The following ARPC2 variants were observed in gnomAD, a reference collection of about 807,000 sequenced individuals.
The protein encoded by ARPC2 is actin related protein 2/3 complex subunit 2.
In ARPC2, 4 loss-of-function variants were observed where a neutral mutation model predicts 38.6. That is an observed-to-expected ratio of 0.10 (90% CI 0.05 to 0.24). The LOEUF (loss-of-function observed/expected upper bound fraction) is 0.24, where lower values mean the gene tolerates loss of function less well. Ranked by LOEUF, ARPC2 falls within the 10% of genes least tolerant of loss-of-function variation. The pLI is 1.00. For synonymous variants in ARPC2, 125 were observed against 140.8 expected (o/e 0.89, Z 0.79); for missense variants, 229 against 387.3 (o/e 0.59, Z 3.43).
chr2:218,219,516 A>C (rs1208888867), intron 2 of ARPC2, among the ~76,000 whole-genome samples: 1 of 152,050 alleles, frequency 6.6e-6, no homozygotes, highest in Non-Finnish European at 1.5e-5. Flanking sequence ...CACCTGGCTA[A>C]TATTTGTATT....
intron 2 of ARPC2, among the ~76,000 whole-genome samples, chr2:218,225,606 T>C (rs1260484266): frequency 1.3e-5 from 2 of 152,250 alleles, no homozygotes; most frequent in African/African-American, 4.8e-5. Flanking sequence ...CATTTTGTGG[T>C]ATATAGCATG....
At chr2:218,218,940 C>A (rs1405553965) in intron 2 of ARPC2, among the ~76,000 whole-genome samples, 2 of 152,162 alleles carry the variant, frequency 1.3e-5, no homozygotes, top group Non-Finnish European at 2.9e-5. Context: ...TTACCAGTTT[C>A]TTTGCATTTT....
At chr2:218,230,298 T>C (rs1359926917) in intron 4 of ARPC2, among the ~76,000 whole-genome samples, 18 of 133,478 alleles carry the variant, frequency 1.3e-4, no homozygotes, top group African/African-American at 2.9e-4. Flanking sequence ...TTTTTTTTTT[T>C]TTTTTTTTTT....
chr2:218,252,353 G>A (rs893779880), intron 10 of ARPC2, among the ~76,000 whole-genome samples: 4 of 152,178 alleles, frequency 2.6e-5, no homozygotes, highest in African/African-American at 9.7e-5. Flanking sequence ...GCAGCTTCTT[G>A]GGCAGATCTT....
intron 7 of ARPC2, 31 bp from the exon 8 acceptor site, chr2:218,245,389 T>C (rs1285683327): frequency 1.5e-5 from 24 of 1,613,470 alleles, no homozygotes; most frequent in Non-Finnish European, 2.0e-5. Context: ...CACCCACTTC[T>C]CTTCTGGTTG....
chr2:218,226,681 G>C (rs949142963), intron 3 of ARPC2, among the ~76,000 whole-genome samples: 1 of 150,002 alleles, frequency 6.7e-6, no homozygotes, highest in Non-Finnish European at 1.5e-5. Context: ...TCCCTCATCA[G>C]GTCTTTTTGA....
At chr2:218,249,058 T>C (rs910209788) in intron 8 of ARPC2, among the ~76,000 whole-genome samples, 1 of 152,210 alleles carries the variant, frequency 6.6e-6, no homozygotes, top group African/African-American at 2.4e-5. Context: ...CAAGAGCTAG[T>C]ACCTGTGTGG....
intron 4 of ARPC2, among the ~76,000 whole-genome samples, chr2:218,229,524 T>C (rs1689582213): frequency 6.6e-6 from 1 of 152,264 alleles, no homozygotes; most frequent in Non-Finnish European, 1.5e-5. Context: ...ACTCAGTTCC[T>C]GAATCAGTTT....
rs745591598 is a variant in ARPC2, at chr2:218,249,774, TTTCTAG to T, written c.778-46_778-41del. The stretch of plus-strand genomic sequence containing the variant: ...TCTGATGAAAGACAGCAAAGCTGTC[TTTCTAG>T]ACCATGACTGTGCTTTAGTACCTGT... On this transcript the variant is annotated intron_variant, in intron 9 of 10. Coordinates refer to ENST00000315717, the MANE Select transcript of ARPC2 (RefSeq NM_152862.3). The T allele has an allele frequency of 1.7e-5, 26 of 1,547,260 alleles. No individual in the cohort carries two copies. The African/African-American group carries it at 3.0e-4, about 18-fold the overall frequency.
At chr2:218,230,287 C>CTTTTTTTT (rs768585570) in intron 4 of ARPC2, among the ~76,000 whole-genome samples, 24 of 73,008 alleles carry the variant, frequency 3.3e-4, no homozygotes, top group East Asian at 9.1e-4. Context: ...TTTTTTTTTT[C>CTTTTTTTT]TTTTTTTTTT....
At chr2:218,234,267 TGGCAA>T (rs1689715167) in intron 4 of ARPC2, 80 bp from the exon 5 acceptor site, 1 of 1,056,292 alleles carries the variant, frequency 9.5e-7, no homozygotes, top group Non-Finnish European at 1.4e-6. Flanking sequence ...AGGAAGAGCT[TGGCAA>T]GTGCAGTACT....
chr2:218,230,294 T>C (rs559375414), intron 4 of ARPC2, among the ~76,000 whole-genome samples: 666 of 117,938 alleles, frequency 5.6e-3, no homozygotes, highest in Non-Finnish European at 8.4e-3. Flanking sequence ...TTTCTTTTTT[T>C]TTTTTTTTTT....
intron 2 of ARPC2, among the ~76,000 whole-genome samples, chr2:218,221,255 G>A (rs955848000): frequency 1.3e-5 from 2 of 152,204 alleles, no homozygotes; most frequent in African/African-American, 4.8e-5. Context: ...AACTCAGTAA[G>A]CAAGCAGTGC....
At position 218,239,393 on chromosome 2, in the gene ARPC2, A is replaced by G; in HGVS notation, c.458A>G (p.Tyr153Cys). ...CTCATGGATTTTGTTCCTCTCAGGT[A>G]TGTTGAGTCTAAAAAGGACAGAGTC... ...VIHYRDDETM[Y>C]VESKKDRVTV... Residue 153 changes from tyrosine to cysteine, a missense_variant and splice_region_variant, in exon 7 of 11, where the codon TAT (tyrosine) becomes TGT (cysteine). Physicochemically the swap from Tyr to Cys is radical, Grantham distance 194 (BLOSUM62 -2). Coordinates refer to ENST00000315717, the MANE Select transcript of ARPC2 (RefSeq NM_152862.3). 1 of 1,611,582 alleles carries G rather than the reference A, an allele frequency of 6.2e-7. No homozygotes were observed. The highest frequency in any genetic ancestry group is 8.5e-7 in the Non-Finnish European group (1 of 1,177,712).
Position 218,234,381 on chromosome 2 carries a change from G to C in ARPC2, c.252G>C (p.Leu84Phe). The change falls in exon 5 of 11, where the codon TTG (leucine) becomes TTC (phenylalanine). Residue 84 changes from leucine (L) to phenylalanine (F), a missense_variant. Transcript: ENST00000315717. ...ELLKRVYGSFLVNPESGYNVS... is the reference protein window; with the variant it reads ...ELLKRVYGSFFVNPESGYNVS... ...TAAAGAGGGTGTACGGGAGTTTCTTGGTAAATCCAGAATCAGGTATGTAGT... is the reference window on the plus strand; with the variant it reads ...TAAAGAGGGTGTACGGGAGTTTCTTCGTAAATCCAGAATCAGGTATGTAGT... The C allele has an allele frequency of 6.2e-7, 1 of 1,607,182 alleles. No homozygotes were observed. The highest frequency in any genetic ancestry group is 8.5e-7 in the Non-Finnish European group (1 of 1,174,814).
chr2:218,238,619 A>G (rs1689833062), intron 5 of ARPC2, 45 bp from the exon 6 acceptor site: 1 of 864,516 alleles, frequency 1.2e-6, no homozygotes, highest in Non-Finnish European at 1.6e-6. Context: ...TTTTAAATGT[A>G]ACTGCTGGGT....
chr2:218,239,613 G>A, intron 7 of ARPC2, 129 bp downstream of exon 7: 1 of 678,846 alleles, frequency 1.5e-6, no homozygotes, highest in Non-Finnish European at 2.5e-6. Context: ...TTTTTTTCGA[G>A]ACGGAGTTTC....
rs370614391 is a variant in ARPC2 at position 218,249,697 on chromosome 2, A to G, written c.778-124A>G. On this transcript the variant is annotated intron_variant, in intron 9 of 10. Coordinates refer to ENST00000315717, the MANE Select transcript of ARPC2 (RefSeq NM_152862.3). Reference sequence around the variant, plus strand: ...ATTGCTCACCTTCCTGCTTCCCTGCAGGGCCTGGGTCAATCCCAGGGTGTA... The same window carrying G: ...ATTGCTCACCTTCCTGCTTCCCTGCGGGGCCTGGGTCAATCCCAGGGTGTA... The G allele has an allele frequency of 3.7e-5, 35 of 941,978 alleles. No homozygotes were observed. In the South Asian group the frequency reaches 4.3e-4, roughly 12 times the overall value. 58.4% of individuals were successfully genotyped at this position (941,978 alleles called of 1,614,324 possible). A position where few individuals can be genotyped will look rare whatever the true frequency, so the allele number is the denominator to read the frequency against.
chr2:218,251,500 C>T (rs1221441354), intron 10 of ARPC2, among the ~76,000 whole-genome samples: 3 of 152,076 alleles, frequency 2.0e-5, no homozygotes, highest in Non-Finnish European at 2.9e-5. Flanking sequence ...AGTGAGCCAC[C>T]GCGCCCAGCC....
Sources: allele counts gnomAD v4.1 joint callset (sites outside exome capture counted in the v4.1 genomes callset), GRCh38; gene constraint gnomAD v4.1.1; transcripts MANE v1.5; gene names NCBI Gene and HGNC (gene_info 2026-07-23, HGNC 2026-07-21).